Variants in LRRFIP2 observed in about 807,000 individuals in gnomAD.
LRRFIP2 encodes the protein leucine-rich repeat flightless-interacting protein 2.
LRRFIP2 carries 109 observed loss-of-function variants against 125.9 expected under a neutral mutation model. That is an observed-to-expected ratio of 0.87 (90% CI 0.74 to 1.01). The LOEUF is 1.01. Among genes scored for constraint, LRRFIP2 ranks in the 50% least tolerant of loss-of-function variants. The pLI, the probability that LRRFIP2 is intolerant of heterozygous loss-of-function variation, is 0.00. For synonymous variants in LRRFIP2, 291 were observed against 293.1 expected (o/e 0.99, Z 0.07); for missense variants, 850 against 862.3 (o/e 0.99, Z 0.18).
intron 1 of LRRFIP2, among the ~76,000 whole-genome samples, chr3:37,163,245 A>T (rs1577924534): frequency 2.0e-5 from 3 of 152,316 alleles, no homozygotes; most frequent in African/African-American, 7.2e-5. Context: ...GATGCTTGCT[A>T]TTCAGTTTTC....
chr3:37,139,804 G>A (rs554260196), intron 2 of LRRFIP2, among the ~76,000 whole-genome samples: 4 of 152,138 alleles, frequency 2.6e-5, no homozygotes, highest in Non-Finnish European at 5.9e-5. Context: ...TCTTTAAAAG[G>A]CAAGCAAAAA....
chr3:37,075,215 C>G, intron 19 of LRRFIP2, 99 bp from the exon 20 acceptor site: 1 of 643,086 alleles, frequency 1.6e-6, no homozygotes, highest in Admixed American at 2.5e-5. Flanking sequence ...CCTCCAGAAA[C>G]ATGCCCAAAC....
chr3:37,142,590 G>T (rs1241673275), intron 2 of LRRFIP2, among the ~76,000 whole-genome samples: 1 of 151,960 alleles, frequency 6.6e-6, no homozygotes, highest in African/African-American at 2.4e-5. Context: ...AATGTCTACA[G>T]TGAAAGACTT....
chr3:37,107,928 G>C (rs1197402129), intron 13 of LRRFIP2, 145 bp downstream of exon 13: 1 of 539,942 alleles, frequency 1.9e-6, no homozygotes, highest in Non-Finnish European at 3.2e-6. Flanking sequence ...GGACAAATTA[G>C]TGCTTGAGTT....
chr3:37,077,087 T>C (rs1437884210), intron 19 of LRRFIP2, among the ~76,000 whole-genome samples: 1 of 152,188 alleles, frequency 6.6e-6, no homozygotes, highest in African/African-American at 2.4e-5. Flanking sequence ...TAGGCCCTCA[T>C]ACATTTTGGT....
intron 1 of LRRFIP2, among the ~76,000 whole-genome samples, chr3:37,156,582 G>A (rs1024246545): frequency 2.0e-5 from 3 of 146,438 alleles, no homozygotes; most frequent in Non-Finnish European, 3.0e-5. Context: ...GCTGAGGCAG[G>A]AGAATGGCGT....
intron 18 of LRRFIP2, among the ~76,000 whole-genome samples, chr3:37,089,592 T>C (rs1031695886): frequency 1.3e-5 from 2 of 152,248 alleles, no homozygotes; most frequent in African/African-American, 4.8e-5. Context: ...AATTATATTC[T>C]GGCATGAATT....
rs2088127077 is a variant in LRRFIP2, at chr3:37,060,069, C to T, written c.1750-1159G>A. Among the ~76,000 whole-genome samples the T allele has an allele frequency of 6.6e-6, 1 of 152,146 alleles. No individual in the cohort carries two copies. Among genetic ancestry groups the T allele is most frequent in the Non-Finnish European group, 1.5e-5 (1 of 68,024 alleles). On this transcript the variant is annotated intron_variant, in intron 24 of 27. Transcript: ENST00000336686. The surrounding 1 kb of genome is among the most constrained non-coding windows in gnomAD (Gnocchi z 4.1). ...TATTTATGTGCATCTCACAAAGGGT[C>T]ATATCCTTCCTCTGCAGTCTTCCTC...
intron 16 of LRRFIP2, among the ~76,000 whole-genome samples, chr3:37,095,981 T>C (rs2093696631): frequency 6.6e-6 from 1 of 152,216 alleles, no homozygotes; most frequent in East Asian, 1.9e-4. Flanking sequence ...TTGAAATAGT[T>C]TGGATATTTG....
intron 2 of LRRFIP2, among the ~76,000 whole-genome samples, 200 bp downstream of exon 2, chr3:37,148,694 C>G (rs544062020): frequency 4.4e-4 from 67 of 152,344 alleles, no homozygotes; most frequent in Non-Finnish European, 7.6e-4. Flanking sequence ...TTCAGAGATT[C>G]ATCTCTATAT....
chr3:37,110,526 C>A (rs1388575479), intron 9 of LRRFIP2, among the ~76,000 whole-genome samples: 1 of 151,880 alleles, frequency 6.6e-6, no homozygotes, highest in Non-Finnish European at 1.5e-5. Flanking sequence ...TAATTACATT[C>A]TTCTCATGCC....
chr3:37,109,232 C>T (rs1324108429), intron 11 of LRRFIP2, among the ~76,000 whole-genome samples: 1 of 152,142 alleles, frequency 6.6e-6, no homozygotes, highest in Admixed American at 6.5e-5. Context: ...TTTCCATAAG[C>T]AGCCATCTCA....
chr3:37,070,925 A>G (rs1000740091), intron 21 of LRRFIP2, among the ~76,000 whole-genome samples: 1 of 152,162 alleles, frequency 6.6e-6, no homozygotes, highest in Non-Finnish European at 1.5e-5. Flanking sequence ...AAAGAAGCCC[A>G]TTCTAGACAG....
intron 2 of LRRFIP2, among the ~76,000 whole-genome samples, chr3:37,132,024 AGTTTTCT>A (rs1356240051): frequency 6.6e-6 from 1 of 152,194 alleles, no homozygotes; most frequent in Non-Finnish European, 1.5e-5. Context: ...TAGAGAAATT[AGTTTTCT>A]CCCATGAATT....
intron 9 of LRRFIP2, 62 bp downstream of exon 9, chr3:37,110,929 G>T: frequency 6.8e-7 from 1 of 1,474,462 alleles, no homozygotes; most frequent in Admixed American, 1.8e-5. Flanking sequence ...ATGCAAAATG[G>T]GGAGATTAGA....
intron 24 of LRRFIP2, among the ~76,000 whole-genome samples, chr3:37,061,601 C>T (rs1209167722): frequency 6.6e-6 from 1 of 151,864 alleles, no homozygotes; most frequent in Non-Finnish European, 1.5e-5. Flanking sequence ...CCATGTTGGC[C>T]AGGCTGGTCT....
intron 21 of LRRFIP2, among the ~76,000 whole-genome samples, chr3:37,069,340 T>A (rs1436922844): frequency 6.6e-6 from 1 of 152,236 alleles, no homozygotes; most frequent in Non-Finnish European, 1.5e-5. Context: ...GATGTGTTGA[T>A]ATATCAACAG....
intron 2 of LRRFIP2, among the ~76,000 whole-genome samples, chr3:37,129,912 G>A (rs189053572): frequency 9.0e-4 from 137 of 152,292 alleles, no homozygotes; most frequent in African/African-American, 2.4e-3. Context: ...AAAATTACTC[G>A]AACCTGGAAG....
intron 15 of LRRFIP2, among the ~76,000 whole-genome samples, chr3:37,099,309 T>C (rs2093897391): frequency 6.6e-6 from 1 of 152,034 alleles, no homozygotes; most frequent in South Asian, 2.1e-4. Context: ...CAGCCAAGAG[T>C]TCTACATGGC....
Sources: gnomAD v4.1 joint callset for allele counts (sites outside exome capture counted in the v4.1 genomes callset) on GRCh38, gnomAD v4.1.1 for gene constraint, Gnocchi (gnomAD v3.1) non-coding constraint, MANE v1.5 for transcripts, NCBI Gene and HGNC (gene_info 2026-07-23, HGNC 2026-07-21) for gene names.